Variants in DGKG observed in about 807,000 individuals in gnomAD.
DGKG encodes the protein diacylglycerol kinase gamma, also known as DAG kinase gamma.
DGKG carries 78 observed loss-of-function variants against 105.3 expected under a neutral mutation model. That is an observed-to-expected ratio of 0.74 (90% CI 0.62 to 0.89). The LOEUF is 0.89. DGKG is among the 40% of genes least tolerant of loss of function. The pLI, the probability that DGKG is intolerant of heterozygous loss-of-function variation, is 0.00. For synonymous variants in DGKG, 346 were observed against 367.1 expected (o/e 0.94, Z 0.66); for missense variants, 958 against 1,020.1 (o/e 0.94, Z 0.83).
In DGKG at chr3:186,149,690, T is replaced by C; in HGVS notation, c.*400A>G. 9.9e-7 allele frequency: 1 copy of C among 1,005,460 alleles called. No individual in the cohort carries two copies. The highest frequency in any genetic ancestry group is 1.2e-6 in the Non-Finnish European group (1 of 841,738). 62.3% of individuals were successfully genotyped at this position (1,005,460 alleles called of 1,614,324 possible). On this transcript the variant is annotated 3_prime_UTR_variant, in exon 25 of 25. Coordinates refer to ENST00000265022, the MANE Select transcript of DGKG (RefSeq NM_001346.3). The stretch of plus-strand genomic sequence containing the variant: ...CCCTTGGCCACATCTGATCTCACCA[T>C]AGGCAGGAAACCTGCAGCCTGCTCC...
At position 186,299,519 on chromosome 3, in the gene DGKG, G is replaced by T. The variant is rs887244259; in HGVS notation, c.145-1290C>A. Among the ~76,000 whole-genome samples, 3 of 152,302 alleles carry T rather than the reference G, an allele frequency of 2.0e-5. No homozygotes were observed. The East Asian group carries it at 5.8e-4, about 29-fold the overall frequency. ...GGAAGTCTGATTCAGCTGGACAGAG[G>T]CTCTTACCAGATTAGGGGAACTCCA... On this transcript the variant is annotated intron_variant, in intron 3 of 24. Transcript: ENST00000265022.
At chr3:186,193,094 A>C (rs1717984572) in intron 21 of DGKG, among the ~76,000 whole-genome samples, 1 of 152,144 alleles carries the variant, frequency 6.6e-6, no homozygotes, top group Non-Finnish European at 1.5e-5. Flanking sequence ...AGTGGGTCCC[A>C]TGTAGATAGG....
intron 11 of DGKG, among the ~76,000 whole-genome samples, chr3:186,271,778 G>A (rs2268829): frequency 0.82 from 124,442 of 152,136 alleles, 51,133 homozygotes; most frequent in African/African-American, 0.9. Context: ...GGAATAAGCC[G>A]TGTCTCATGC....
At chr3:186,352,221 C>T (rs563070437) in intron 1 of DGKG, among the ~76,000 whole-genome samples, 2 of 152,188 alleles carry the variant, frequency 1.3e-5, no homozygotes, top group Non-Finnish European at 1.5e-5. Context: ...CCCTGCTTGA[C>T]CATTCACCTG....
At chr3:186,184,770 C>T (rs993822362) in intron 22 of DGKG, among the ~76,000 whole-genome samples, 7 of 152,208 alleles carry the variant, frequency 4.6e-5, no homozygotes, top group East Asian at 3.9e-4. Flanking sequence ...AGCTCATTCC[C>T]TCCTACTGTG....
At chr3:186,343,608 A>G (rs1355602104) in intron 1 of DGKG, among the ~76,000 whole-genome samples, 1 of 152,212 alleles carries the variant, frequency 6.6e-6, no homozygotes, top group Non-Finnish European at 1.5e-5. Flanking sequence ...TTATCAAAAA[A>G]GTGGAAGAAA....
intron 19 of DGKG, among the ~76,000 whole-genome samples, chr3:186,245,514 T>C (rs1456275693): frequency 1.3e-5 from 2 of 152,250 alleles, no homozygotes; most frequent in Non-Finnish European, 2.9e-5. Context: ...GTTCAAACCC[T>C]TTCTTGGTTA....
intron 14 of DGKG, 179 bp from the exon 15 acceptor site, chr3:186,261,957 ATGGCCTTT>A: frequency 1.9e-6 from 1 of 537,874 alleles, no homozygotes; most frequent in Non-Finnish European, 3.4e-6. Flanking sequence ...TCCAGTTTGA[ATGGCCTTT>A]AAGTAGTGTT....
At chr3:186,353,702 A>ATATCTATATCTATATCTATATCTATATC (rs1553825821) in intron 1 of DGKG, among the ~76,000 whole-genome samples, 1 of 125,788 alleles carries the variant, frequency 7.9e-6, no homozygotes, top group Non-Finnish European at 1.8e-5. Context: ...ATCTATATCT[A>ATATCTATATCTATATCTATATCTATATC]TATAACAGTG....
At chr3:186,263,655 A>AT (rs34266987) in intron 14 of DGKG, among the ~76,000 whole-genome samples, 61,184 of 146,542 alleles carry the variant, frequency 0.42, 13,911 homozygotes, top group East Asian at 0.58. Flanking sequence ...GTTCATTTGT[A>AT]TTTTTTTTTT....
intron 21 of DGKG, among the ~76,000 whole-genome samples, chr3:186,201,335 G>A (rs1718451132): frequency 1.3e-5 from 2 of 150,746 alleles, no homozygotes; most frequent in South Asian, 4.2e-4. Flanking sequence ...GGGATCATGG[G>A]CAGGTAGGCT....
chr3:186,155,113 A>AAT (rs1053304166), intron 24 of DGKG, among the ~76,000 whole-genome samples: 22 of 152,060 alleles, frequency 1.4e-4, no homozygotes, highest in African/African-American at 4.1e-4. Flanking sequence ...TTCCCGAATA[A>AAT]ATATATATAT....
chr3:186,153,365 C>T (rs997299265), intron 24 of DGKG, among the ~76,000 whole-genome samples: 1 of 152,146 alleles, frequency 6.6e-6, no homozygotes, highest in East Asian at 1.9e-4. Flanking sequence ...GGTCATCCCA[C>T]GTTTCTGTAG....
chr3:186,262,894 C>T lies in DGKG; in HGVS notation c.1270-1116G>A, dbSNP rs143471454. ...CTATAATCCCAACACTTTGGGAGGC[C>T]GGGGCAGGAGCATCACAAGGTCAGA... is the stretch of plus-strand genomic sequence containing the variant. On this transcript the variant is annotated intron_variant, in intron 14 of 24. Transcript: ENST00000265022. 2.0e-3 allele frequency among the ~76,000 whole-genome samples: 301 copies of T among 151,988 alleles called. 5 individuals carry two copies. The highest frequency in any genetic ancestry group is 5.5e-3 in the African/African-American group (229 of 41,450).
intron 21 of DGKG, among the ~76,000 whole-genome samples, chr3:186,189,170 T>G (rs1478909196): frequency 6.6e-6 from 1 of 152,254 alleles, no homozygotes; most frequent in East Asian, 1.9e-4. Flanking sequence ...CACAAGACTT[T>G]AAGCTTTGGA....
At position 186,147,905 on chromosome 3, in the gene DGKG, A is replaced by G. The variant is rs990398422; in HGVS notation, c.*2185T>C. 4.1e-6 allele frequency: 4 copies of G among 985,384 alleles called. No individual in the cohort carries two copies. The highest frequency in any genetic ancestry group is 6.1e-5 in the Admixed American group (1 of 16,290). 61.0% of individuals were successfully genotyped at this position (985,384 alleles called of 1,614,324 possible). On this transcript the variant is annotated 3_prime_UTR_variant, in exon 25 of 25. Transcript: ENST00000265022. ...ATCACCAAGAATACCATCATTAAAG[A>G]TATTCTTCAGGTGGCCTGGTTTTCC... is the stretch of plus-strand genomic sequence containing the variant.
At chr3:186,279,747 G>A (rs1722745337) in intron 9 of DGKG, 104 bp downstream of exon 9, 17 of 1,399,038 alleles carry the variant, frequency 1.2e-5, no homozygotes, top group Non-Finnish European at 1.6e-5. Context: ...TGGCACGTCT[G>A]TTGGGCAGTC....
At chr3:186,227,330 T>C (rs751145840) in intron 20 of DGKG, among the ~76,000 whole-genome samples, 4 of 152,212 alleles carry the variant, frequency 2.6e-5, no homozygotes, top group Admixed American at 2.0e-4. Flanking sequence ...ACAGGCACCT[T>C]GTCAGGCAGT....
chr3:186,161,572 C>T (rs775834157), intron 24 of DGKG, 31 bp downstream of exon 24: 2 of 1,614,024 alleles, frequency 1.2e-6, no homozygotes, highest in South Asian at 2.2e-5. Flanking sequence ...TAAGGCTTCT[C>T]ATCCCCATCT....
Sources: gnomAD v4.1 joint callset for allele counts (sites outside exome capture counted in the v4.1 genomes callset) on GRCh38, gnomAD v4.1.1 for gene constraint, MANE v1.5 for transcripts, NCBI Gene and HGNC (gene_info 2026-07-23, HGNC 2026-07-21) for gene names.